NPAT: variants seen among roughly 807,000 people sequenced by gnomAD.
NPAT encodes protein NPAT.
Under a neutral mutation model 130.7 loss-of-function variants are expected in NPAT, and 52 were observed. That is an observed-to-expected ratio of 0.40 (90% CI 0.32 to 0.50). NPAT has a LOEUF of 0.50. Among genes scored for constraint, NPAT ranks in the 20% least tolerant of loss-of-function variants. NPAT has a pLI of 0.68. For missense variants in NPAT, 1,687 were observed against 1,662.6 expected (o/e 1.01, Z -0.26); for synonymous variants, 580 against 584.8 (o/e 0.99, Z 0.12).
At chr11:108,177,812 C>T (rs2078023422) in intron 10 of NPAT, among the ~76,000 whole-genome samples, 1 of 152,114 alleles carries the variant, frequency 6.6e-6, no homozygotes, top group African/African-American at 2.4e-5. Flanking sequence ...CCTTGACCTC[C>T]CGAGCTCAGG....
rs970096243 is a variant in NPAT, at chr11:108,184,485, G to A, written c.906+747C>T. ...AGACTCCATCTCAAAAAAAAAAAAAGTCTTGTTCATTTTATTTTGTTAACT... is the reference window on the plus strand; with the variant it reads ...AGACTCCATCTCAAAAAAAAAAAAAATCTTGTTCATTTTATTTTGTTAACT... On this transcript the variant is annotated intron_variant, in intron 10 of 17. Coordinates refer to ENST00000278612, the MANE Select transcript of NPAT (RefSeq NM_002519.3). 1.1e-3 allele frequency among the ~76,000 whole-genome samples: 142 copies of A among 135,182 alleles called. 1 individual carries two copies. Among genetic ancestry groups the A allele is most frequent in the African/African-American group, 2.4e-3 (91 of 38,350 alleles). 88.7% of individuals were successfully genotyped at this position (135,182 alleles called of 152,430 possible).
intron 1 of NPAT, among the ~76,000 whole-genome samples, chr11:108,202,666 G>A (rs1221945424): frequency 6.6e-6 from 1 of 152,154 alleles, no homozygotes; most frequent in Non-Finnish European, 1.5e-5. Context: ...TAATGCTTGT[G>A]AGACTTGCCT....
intron 1 of NPAT, among the ~76,000 whole-genome samples, chr11:108,210,805 T>G (rs2078377207): frequency 6.6e-6 from 1 of 152,174 alleles, no homozygotes; most frequent in Non-Finnish European, 1.5e-5. Context: ...CACCAATCCT[T>G]TACAAACTCT....
At position 108,172,797 on chromosome 11, in the gene NPAT, T is replaced by C. The variant is rs371092143; in HGVS notation, c.2187A>G (p.Ser729=). ...NTDDKPSSNN[S]AEIDASNIVS... is the part of the protein sequence containing the mutation. ...CGATATTTGATGCATCTATCTCTGCTGAGTTGTTGCTAGAAGGTTTATCAT... is the reference window on the plus strand; with the variant it reads ...CGATATTTGATGCATCTATCTCTGCCGAGTTGTTGCTAGAAGGTTTATCAT... The change falls in exon 13 of 18, where the codon TCA becomes TCG. Residue 729 remains serine (S), a synonymous_variant. Coordinates refer to ENST00000278612, the MANE Select transcript of NPAT (RefSeq NM_002519.3). The C allele has an allele frequency of 5.6e-6, 9 of 1,613,282 alleles. No homozygotes were observed. Among genetic ancestry groups the C allele is most frequent in the Admixed American group, 3.3e-5 (2 of 59,994 alleles).
At chr11:108,187,583 C>T (rs1293226404) in intron 7 of NPAT, among the ~76,000 whole-genome samples, 2 of 151,634 alleles carry the variant, frequency 1.3e-5, no homozygotes, top group East Asian at 3.8e-4. Context: ...ACAAAAATAC[C>T]CAGGGCTTGG....
chr11:108,202,308 C>T (rs1376093148), intron 1 of NPAT, among the ~76,000 whole-genome samples: 1 of 152,056 alleles, frequency 6.6e-6, no homozygotes, highest in East Asian at 1.9e-4. Flanking sequence ...GATGAAATAG[C>T]TGAGGGAACT....
chr11:108,194,568 C>G (rs1240983623), intron 2 of NPAT, among the ~76,000 whole-genome samples: 2 of 152,188 alleles, frequency 1.3e-5, no homozygotes, highest in African/African-American at 2.4e-5. Context: ...CTTTCTATTG[C>G]TGAGTAGTGG....
intron 1 of NPAT, among the ~76,000 whole-genome samples, chr11:108,216,240 TG>T (rs2078434662): frequency 6.6e-6 from 1 of 152,172 alleles, no homozygotes; most frequent in African/African-American, 2.4e-5. Flanking sequence ...TTCAGTCACT[TG>T]GGGACTTCTG....
intron 15 of NPAT, among the ~76,000 whole-genome samples, chr11:108,166,260 C>T (rs2077901900): frequency 2.0e-5 from 3 of 152,034 alleles, no homozygotes; most frequent in African/African-American, 7.2e-5. Flanking sequence ...AGTGTTGTGG[C>T]ATGCACCTGT....
At chr11:108,176,701 C>T (rs765109358) in intron 11 of NPAT, among the ~76,000 whole-genome samples, 7 of 152,090 alleles carry the variant, frequency 4.6e-5, no homozygotes, top group African/African-American at 7.2e-5. Context: ...TCCCTTTGTA[C>T]GATTCAATTG....
chr11:108,210,184 C>A (rs1340071751), intron 1 of NPAT, among the ~76,000 whole-genome samples: 1 of 151,380 alleles, frequency 6.6e-6, no homozygotes, highest in Non-Finnish European at 1.5e-5. Flanking sequence ...ACAGTATGAA[C>A]AGTTGTTATC....
At chr11:108,211,701 T>TA (rs1417568466) in intron 1 of NPAT, among the ~76,000 whole-genome samples, 1 of 152,212 alleles carries the variant, frequency 6.6e-6, no homozygotes, top group Admixed American at 6.5e-5. Context: ...ATCCCTAACG[T>TA]AAAAGACGAA....
intron 17 of NPAT, among the ~76,000 whole-genome samples, chr11:108,160,425 A>G (rs1012659128): frequency 4.6e-5 from 7 of 152,232 alleles, no homozygotes; most frequent in African/African-American, 2.4e-5. Flanking sequence ...GGGGGAAAAA[A>G]AAAACTGAAC....
chr11:108,184,147 TG>T, intron 10 of NPAT, among the ~76,000 whole-genome samples: 1 of 152,314 alleles, frequency 6.6e-6, no homozygotes, highest in South Asian at 2.1e-4. Flanking sequence ...AGTTGTCATT[TG>T]GTTAGCAATC....
rs2078414518 is a variant in NPAT at position 108,214,526 on chromosome 11, C to T, written c.37+7974G>A. On this transcript the variant is annotated intron_variant, in intron 1 of 17. Transcript: ENST00000278612. ...ATATTGAAATTACTGGTGATATCTGCACATTATGAATCCATAAATATCCTG... is the reference window on the plus strand; with the variant it reads ...ATATTGAAATTACTGGTGATATCTGTACATTATGAATCCATAAATATCCTG... Among the ~76,000 whole-genome samples the T allele has an allele frequency of 2.6e-5, 4 of 151,938 alleles. No homozygotes were observed. The South Asian group carries it at 8.3e-4, about 32-fold the overall frequency.
In NPAT at chr11:108,173,589, T is replaced by C. The variant is rs368869907; in HGVS notation, c.1395A>G (p.Pro465=). ...QRGNSNAECN[P]HCAELYTNQM... is the part of the protein sequence containing the mutation. ...GATTGGTGTATAATTCAGCACAATG[T>C]GGATTACATTCAGCATTAGAATTCC... The change falls in exon 13 of 18, where the codon CCA becomes CCG. Residue 465 remains proline (P), a synonymous_variant. Coordinates refer to ENST00000278612, the MANE Select transcript of NPAT (RefSeq NM_002519.3). The C allele has an allele frequency of 2.5e-6, 4 of 1,614,082 alleles. No individual in the cohort carries two copies. In the African/African-American group the frequency reaches 5.3e-5, roughly 22 times the overall value.
intron 2 of NPAT, among the ~76,000 whole-genome samples, chr11:108,196,664 T>C (rs568552241): frequency 6.6e-6 from 1 of 152,374 alleles, no homozygotes; most frequent in East Asian, 1.9e-4. Context: ...GCATTTTGTT[T>C]GTTTGTTTGT....
chr11:108,193,828 AT>A (rs1337550814), intron 3 of NPAT, 128 bp downstream of exon 3: 5 of 607,972 alleles, frequency 8.2e-6, no homozygotes, highest in Non-Finnish European at 1.5e-5. Flanking sequence ...AATTTATCTC[AT>A]TACAACAGGG....
Position 108,192,150 on chromosome 11 carries a change from C to T in NPAT, c.258G>A (p.Trp86Ter). 6.2e-7 allele frequency: 1 copy of T among 1,606,864 alleles called. No individual in the cohort carries two copies. Among genetic ancestry groups the T allele is most frequent in the South Asian group, 1.1e-5 (1 of 90,914 alleles). The stretch of plus-strand genomic sequence containing the variant: ...GAGAAAGTGTATGGTCCAATTTCTT[C>T]CATAGAGATGACATTATTGCTGGGA... ...NNVPAIMSSL[W>*]KKLDHTLSQI... The change falls in exon 4 of 18, where the codon TGG (tryptophan) becomes TGA (stop). Residue 86 changes from tryptophan to a stop codon, truncating the protein, a stop_gained. Transcript: ENST00000278612. LOFTEE classifies it high-confidence loss of function.
Sources: gnomAD v4.1 joint callset for allele counts (sites outside exome capture counted in the v4.1 genomes callset) on GRCh38, gnomAD v4.1.1 for gene constraint, MANE v1.5 for transcripts, NCBI Gene and HGNC (gene_info 2026-07-23, HGNC 2026-07-21) for gene names.